The following SWSAP1 variants were observed in gnomAD, a reference collection of about 807,000 sequenced individuals.
SWSAP1 encodes the protein SWIM-type zinc finger 7 associated protein 1, also known as ATPase SWSAP1.
A neutral mutation model predicts 5.6 loss-of-function variants in SWSAP1; 4 were observed. The ratio of observed to expected loss-of-function variants is 0.72; its 90% CI spans 0.35 to 1.64. The LOEUF (loss-of-function observed/expected upper bound fraction) is 1.64, where lower values mean the gene tolerates loss of function less well. Ranked by LOEUF, SWSAP1 falls within the 40% of genes most tolerant of loss-of-function variation. The probability of loss-of-function intolerance (pLI) is 0.05; values close to 1 mark genes in which losing one functional copy is unlikely to be tolerated. For synonymous variants in SWSAP1, 139 were observed against 143.3 expected (o/e 0.97, Z 0.22); for missense variants, 354 against 319.8 (o/e 1.11, Z -0.82).
chr19:11,375,051 T>C (rs1229017792), intron 1 of SWSAP1, 122 bp downstream of exon 1: 49 of 1,287,568 alleles, frequency 3.8e-5, no homozygotes, highest in Non-Finnish European at 5.0e-5. Context: ...GCAGCCACGA[T>C]GGGGCGGAGT....
chr19:11,374,772 T>C lies in SWSAP1; in HGVS notation c.92T>C (p.Leu31Pro). 6.2e-7 allele frequency: 1 copy of C among 1,613,036 alleles called. No homozygotes were observed. The highest frequency in any genetic ancestry group is 8.5e-7 in the Non-Finnish European group (1 of 1,179,766). ...CCTGCCGCCGGACCGCCTTTGCTGCTGCTCGGTACACCAGGATCTGGAAAA... is the reference window on the plus strand; with the variant it reads ...CCTGCCGCCGGACCGCCTTTGCTGCCGCTCGGTACACCAGGATCTGGAAAA... The part of the protein sequence containing the change: ...NMPAAGPPLL[L>P]LGTPGSGKTA... Residue 31 changes from leucine to proline, a missense_variant, in exon 1 of 2, where the codon CTG (leucine) becomes CCG (proline). Leu to Pro is a moderately conservative substitution (Grantham distance 98). Coordinates refer to ENST00000674460, the MANE Select transcript of SWSAP1 (RefSeq NM_175871.4).
Position 11,375,068 on chromosome 19 carries a change from G to GGCGGAGTGAGGAGTGGCACCAC in SWSAP1, c.249+146_249+167dup. ...AGCCACGATGGGGCGGAGTCAGGCA[G>GGCGGAGTGAGGAGTGGCACCAC]GCGGAGTGAGGAGTGGCACCACGCG... On this transcript the variant is annotated intron_variant, in intron 1 of 1. Coordinates refer to ENST00000674460, the MANE Select transcript of SWSAP1 (RefSeq NM_175871.4). 3.7e-6 allele frequency: 4 copies of GGCGGAGTGAGGAGTGGCACCAC among 1,074,110 alleles called. 1 individual carries two copies. The South Asian group carries it at 5.5e-5, about 15-fold the overall frequency. The allele number at this position is 1,074,110 out of a possible 1,614,324, so 66.5% of individuals were successfully genotyped here.
rs1968254990 is a variant in SWSAP1 at position 11,374,740 on chromosome 19, G to C, written c.60G>C (p.Glu20Asp). ...TRGGAAWSGE[E>D]NMPAAGPPLL... Reference sequence around the variant, plus strand: ...GCGGTGCGGCCTGGTCCGGGGAGGAGAACATGCCTGCCGCCGGACCGCCTT... The same window carrying C: ...GCGGTGCGGCCTGGTCCGGGGAGGACAACATGCCTGCCGCCGGACCGCCTT... Residue 20 changes from glutamate (E) to aspartate (D), a missense_variant, in exon 1 of 2, where the codon GAG (glutamate) becomes GAC (aspartate). Glu to Asp is a conservative substitution (Grantham distance 45). Transcript: ENST00000674460. 2 of 1,608,706 alleles carry C rather than the reference G, an allele frequency of 1.2e-6. No homozygotes were observed. The highest frequency in any genetic ancestry group is 4.5e-5 in the East Asian group (2 of 44,844).
chr19:11,375,816 G>A lies in SWSAP1; in HGVS notation c.553G>A (p.Ala185Thr). 1.2e-6 allele frequency: 2 copies of A among 1,614,156 alleles called. No individual in the cohort carries two copies. Among genetic ancestry groups the A allele is most frequent in the Non-Finnish European group, 8.5e-7 (1 of 1,180,048 alleles). The change falls in exon 2 of 2, where the codon GCC (alanine) becomes ACC (threonine). Residue 185 changes from alanine (A) to threonine (T), a missense_variant. Physicochemically the swap from Ala to Thr is moderately conservative, Grantham distance 58. Transcript: ENST00000674460. ...GGCACTGCTCCAGCGGTATTTTCCT[G>A]CCCAGTGCTGGCTGCAGCCAGATGC... is the stretch of plus-strand genomic sequence containing the variant. ...HLALLQRYFPAQCWLQPDAPG... is the reference protein window; with the variant it reads ...HLALLQRYFPTQCWLQPDAPG...
rs1421294109 is a variant in SWSAP1 at position 11,374,751 on chromosome 19, C to A, written c.71C>A (p.Ala24Asp). ...TGGTCCGGGGAGGAGAACATGCCTG[C>A]CGCCGGACCGCCTTTGCTGCTGCTC... The part of the protein sequence containing the change: ...AAWSGEENMP[A>D]AGPPLLLLGT... Residue 24 changes from alanine (A) to aspartate (D), a missense_variant, in exon 1 of 2, where the codon GCC (alanine) becomes GAC (aspartate). By Grantham distance (126) the Ala-to-Asp change is moderately radical (BLOSUM62 -2). Coordinates refer to ENST00000674460, the MANE Select transcript of SWSAP1 (RefSeq NM_175871.4). 6.2e-7 allele frequency: 1 copy of A among 1,609,786 alleles called. No homozygotes were observed. The highest frequency in any genetic ancestry group is 1.1e-5 in the South Asian group (1 of 90,948).
chr19:11,376,123 C>T lies in SWSAP1; in HGVS notation c.*107C>T. ...ACCTAAACAATGTAAAGTGCTTTTT[C>T]TCTTTTAAAAGTATAGCATTATCTT... is the stretch of plus-strand genomic sequence containing the variant. On this transcript the variant is annotated 3_prime_UTR_variant, in exon 2 of 2. Coordinates refer to ENST00000674460, the MANE Select transcript of SWSAP1 (RefSeq NM_175871.4). 9.6e-7 allele frequency: 1 copy of T among 1,037,580 alleles called. No homozygotes were observed. Among genetic ancestry groups the T allele is most frequent in the Non-Finnish European group, 1.4e-6 (1 of 735,220 alleles). 64.3% of individuals were successfully genotyped at this position (1,037,580 alleles called of 1,614,324 possible). A position where few individuals can be genotyped will look rare whatever the true frequency, so the allele number is the denominator to read the frequency against.
Position 11,374,695 on chromosome 19 carries a change from G to C in SWSAP1, c.15G>C (p.Leu5=), listed in dbSNP as rs1968253899. Residue 5 remains leucine (L), a synonymous_variant, in exon 1 of 2, where the codon CTG becomes CTC. Transcript: ENST00000674460. ...CTACGCGGCGAATGGCGGAGACGCT[G>C]AGGCGGGTGCTAACCAGGGGCGGTG... is the stretch of plus-strand genomic sequence containing the variant. MAET[L]RRVLTRGGAA... 6.5e-7 allele frequency: 1 copy of C among 1,547,494 alleles called. No individual in the cohort carries two copies. The highest frequency in any genetic ancestry group is 8.7e-7 in the Non-Finnish European group (1 of 1,148,330).
rs140798178 is a variant in SWSAP1, at chr19:11,374,787, G to C, written c.107G>C (p.Gly36Ala). The change falls in exon 1 of 2, where the codon GGA (glycine) becomes GCA (alanine). Residue 36 changes from glycine (G) to alanine (A), a missense_variant. Transcript: ENST00000674460. ...CCTTTGCTGCTGCTCGGTACACCAGGATCTGGAAAAACAGCGCTGCTATTT... is the reference window on the plus strand; with the variant it reads ...CCTTTGCTGCTGCTCGGTACACCAGCATCTGGAAAAACAGCGCTGCTATTT... ...GPPLLLLGTP[G>A]SGKTALLFAA... 1 of 1,613,584 alleles carries C rather than the reference G, an allele frequency of 6.2e-7. No homozygotes were observed. Among genetic ancestry groups the C allele is most frequent in the Non-Finnish European group, 8.5e-7 (1 of 1,179,840 alleles).
Position 11,374,685 on chromosome 19 carries a change from C to T in SWSAP1, c.5C>T (p.Ala2Val). 1.3e-6 allele frequency: 2 copies of T among 1,528,580 alleles called. No homozygotes were observed. The highest frequency in any genetic ancestry group is 1.2e-5 in the South Asian group (1 of 82,162). The allele number at this position is 1,528,580 out of a possible 1,614,324, so 94.7% of individuals were successfully genotyped here. A position where few individuals can be genotyped will look rare whatever the true frequency, so the allele number is the denominator to read the frequency against. Residue 2 changes from alanine to valine, a missense_variant, in exon 1 of 2, where the codon GCG becomes GTG. Physicochemically the swap from Ala to Val is moderately conservative, Grantham distance 64. Coordinates refer to ENST00000674460, the MANE Select transcript of SWSAP1 (RefSeq NM_175871.4). ...TTGGTCAGAGCTACGCGGCGAATGG[C>T]GGAGACGCTGAGGCGGGTGCTAACC... Reference protein sequence around the residue: MAETLRRVLTRG... With the variant: MVETLRRVLTRG...
In SWSAP1 at chr19:11,374,729, T is replaced by A; in HGVS notation, c.49T>A (p.Ser17Thr). ...RVLTRGGAAW[S>T]GEENMPAAGP... is the part of the protein sequence containing the mutation. Reference sequence around the variant, plus strand: ...GCTAACCAGGGGCGGTGCGGCCTGGTCCGGGGAGGAGAACATGCCTGCCGC... The same window carrying A: ...GCTAACCAGGGGCGGTGCGGCCTGGACCGGGGAGGAGAACATGCCTGCCGC... Residue 17 changes from serine to threonine, a missense_variant, in exon 1 of 2, where the codon TCC becomes ACC. Transcript: ENST00000674460. 6.2e-7 allele frequency: 1 copy of A among 1,603,324 alleles called. No homozygotes were observed. Among genetic ancestry groups the A allele is most frequent in the Non-Finnish European group, 8.5e-7 (1 of 1,175,968 alleles).
At position 11,375,633 on chromosome 19, in the gene SWSAP1, G is replaced by C; in HGVS notation, c.370G>C (p.Ala124Pro). 5.6e-6 allele frequency: 9 copies of C among 1,614,160 alleles called. No individual in the cohort carries two copies. The highest frequency in any genetic ancestry group is 7.6e-6 in the Non-Finnish European group (9 of 1,180,042). ...GCTCGACGGCCTAGAAGAGTACCTA[G>C]CGGAAGACCCAGAGCCCCAGGAAGC... ...LLLDGLEEYL[A>P]EDPEPQEAAY... The change falls in exon 2 of 2, where the codon GCG (alanine) becomes CCG (proline). Residue 124 changes from alanine (A) to proline (P), a missense_variant. By Grantham distance (27) the Ala-to-Pro change is conservative (BLOSUM62 -1). Coordinates refer to ENST00000674460, the MANE Select transcript of SWSAP1 (RefSeq NM_175871.4).
In SWSAP1 at chr19:11,374,934, C is replaced by T. The variant is rs1283389747; in HGVS notation, c.249+5C>T. On this transcript the variant is annotated splice_donor_5th_base_variant and intron_variant, in intron 1 of 1. Coordinates refer to ENST00000674460, the MANE Select transcript of SWSAP1 (RefSeq NM_175871.4). ...CTAGACCCAATGCGACTCCAGGTAA[C>T]CGTGGGGGTGGGAGCAGAGGCGTTC... 1.5e-5 allele frequency: 24 copies of T among 1,613,030 alleles called. No homozygotes were observed. Among genetic ancestry groups the T allele is most frequent in the Non-Finnish European group, 2.0e-5 (24 of 1,180,000 alleles).
At position 11,375,641 on chromosome 19, in the gene SWSAP1, C is replaced by T. The variant is rs1968268842; in HGVS notation, c.378C>T (p.Asp126=). The T allele has an allele frequency of 2.5e-6, 4 of 1,614,070 alleles. No homozygotes were observed. The African/African-American group carries it at 4.0e-5, about 16-fold the overall frequency. ...LDGLEEYLAE[D]PEPQEAAYLI... is the part of the protein sequence containing the mutation. ...GCCTAGAAGAGTACCTAGCGGAAGA[C>T]CCAGAGCCCCAGGAAGCCGCCTACC... The change falls in exon 2 of 2, where the codon GAC becomes GAT. Residue 126 remains aspartate (D), a synonymous_variant. Coordinates refer to ENST00000674460, the MANE Select transcript of SWSAP1 (RefSeq NM_175871.4).
chr19:11,376,078 G>A lies in SWSAP1; in HGVS notation c.*62G>A, dbSNP rs1040038520. ...CCCATGGCTGGAATACTTACCTCAGGGACATATGCAGATCCAAAGACCTAA... is the reference window on the plus strand; with the variant it reads ...CCCATGGCTGGAATACTTACCTCAGAGACATATGCAGATCCAAAGACCTAA... On this transcript the variant is annotated 3_prime_UTR_variant, in exon 2 of 2. Transcript: ENST00000674460. The A allele has an allele frequency of 5.9e-5, 84 of 1,419,416 alleles. No individual in the cohort carries two copies. The highest frequency in any genetic ancestry group is 7.5e-5 in the Non-Finnish European group (80 of 1,063,472). The allele number at this position is 1,419,416 out of a possible 1,614,324, so 87.9% of individuals were successfully genotyped here. A position where few individuals can be genotyped will look rare whatever the true frequency, so the allele number is the denominator to read the frequency against.
At position 11,376,117 on chromosome 19, in the gene SWSAP1, C is replaced by T. The variant is rs1968277163; in HGVS notation, c.*101C>T. 1 of 1,063,900 alleles carries T rather than the reference C, an allele frequency of 9.4e-7. No individual in the cohort carries two copies. The highest frequency in any genetic ancestry group is 1.3e-6 in the Non-Finnish European group (1 of 758,854). The allele number at this position is 1,063,900 out of a possible 1,614,324, so 65.9% of individuals were successfully genotyped here. ...CCAAAGACCTAAACAATGTAAAGTG[C>T]TTTTTCTCTTTTAAAAGTATAGCAT... On this transcript the variant is annotated 3_prime_UTR_variant, in exon 2 of 2. Coordinates refer to ENST00000674460, the MANE Select transcript of SWSAP1 (RefSeq NM_175871.4).
intron 1 of SWSAP1, 74 bp from the exon 2 acceptor site, chr19:11,375,439 G>C (rs1329678594): frequency 1.3e-6 from 2 of 1,525,822 alleles, no homozygotes; most frequent in Non-Finnish European, 1.8e-6. Flanking sequence ...AAGTATGCAA[G>C]GAGGCAGGGT....
At position 11,374,702 on chromosome 19, in the gene SWSAP1, G is replaced by T; in HGVS notation, c.22G>T (p.Val8Leu). 1 of 1,566,974 alleles carries T rather than the reference G, an allele frequency of 6.4e-7. No homozygotes were observed. The highest frequency in any genetic ancestry group is 8.6e-7 in the Non-Finnish European group (1 of 1,157,826). The change falls in exon 1 of 2, where the codon GTG becomes TTG. Residue 8 changes from valine (V) to leucine (L), a missense_variant. By Grantham distance (32) the Val-to-Leu change is conservative (BLOSUM62 1). Transcript: ENST00000674460. MAETLRRVLTRGGAAWSG... is the reference protein window; with the variant it reads MAETLRRLLTRGGAAWSG... ...GCGAATGGCGGAGACGCTGAGGCGG[G>T]TGCTAACCAGGGGCGGTGCGGCCTG... is the stretch of plus-strand genomic sequence containing the variant.
In SWSAP1 at chr19:11,375,811, T is replaced by C; in HGVS notation, c.548T>C (p.Phe183Ser). 1 of 1,614,204 alleles carries C rather than the reference T, an allele frequency of 6.2e-7. No individual in the cohort carries two copies. Among genetic ancestry groups the C allele is most frequent in the Non-Finnish European group, 8.5e-7 (1 of 1,180,046 alleles). ...CACCTGGCACTGCTCCAGCGGTATT[T>C]TCCTGCCCAGTGCTGGCTGCAGCCA... is the stretch of plus-strand genomic sequence containing the variant. ...VLHLALLQRY[F>S]PAQCWLQPDA... The change falls in exon 2 of 2, where the codon TTT becomes TCT. Residue 183 changes from phenylalanine to serine, a missense_variant. Physicochemically the swap from Phe to Ser is radical, Grantham distance 155. Coordinates refer to ENST00000674460, the MANE Select transcript of SWSAP1 (RefSeq NM_175871.4).
rs1435351355 is a variant in SWSAP1, at chr19:11,374,910, T to TAG, written c.232_233dup (p.Asp78GlufsTer43). On this transcript the variant is annotated frameshift_variant, in exon 1 of 2. Transcript: ENST00000674460. LOFTEE classifies it low-confidence loss of function (END_TRUNC). ...ATGCCCCGCGGGACCGGAACGACTC[T>TAG]AGACCCAATGCGACTCCAGGTAACC... The TAG allele has an allele frequency of 4.3e-6, 7 of 1,613,864 alleles. No homozygotes were observed. The highest frequency in any genetic ancestry group is 5.9e-6 in the Non-Finnish European group (7 of 1,180,022).
Sources: gnomAD v4.1 joint callset for allele counts on GRCh38, gnomAD v4.1.1 for gene constraint, MANE v1.5 for transcripts, NCBI Gene and HGNC (gene_info 2026-07-23, HGNC 2026-07-21) for gene names.